PIEZO2: variants seen among roughly 807,000 people sequenced by gnomAD.
PIEZO2 encodes piezo-type mechanosensitive ion channel component 2.
PIEZO2 carries 172 observed loss-of-function variants against 337.3 expected under a neutral mutation model. The observed-to-expected ratio is 0.51, with a 90% CI of 0.45 to 0.58. The LOEUF (loss-of-function observed/expected upper bound fraction) is 0.58. PIEZO2 is among the 20% of genes least tolerant of loss of function. The probability of loss-of-function intolerance (pLI) is 0.00; values close to 1 mark genes in which losing one functional copy is unlikely to be tolerated. For missense variants in PIEZO2, 3,028 were observed against 3,391.3 expected (o/e 0.89, Z 2.66); for synonymous variants, 1,251 against 1,228.5 (o/e 1.02, Z -0.38).
Position 10,833,357 on chromosome 18 carries a change from A to G in PIEZO2, c.917+21996T>C, listed in dbSNP as rs2040909036. Among the ~76,000 whole-genome samples the G allele has an allele frequency of 6.6e-6, 1 of 152,012 alleles. No individual in the cohort carries two copies. The highest frequency in any genetic ancestry group is 2.1e-4 in the South Asian group (1 of 4,820). On this transcript the variant is annotated intron_variant, in intron 7 of 55. Transcript: ENST00000674853. This position sits in a 1 kb window ranked among gnomAD's most constrained non-coding sequence, Gnocchi z 4.7. ...TTCTGGTACTTCGGAGCCCACTGTG[A>G]CACCTGCAGCCTCGCCCTCTCCTGT...
At chr18:11,134,172 G>A (rs1335081779) in intron 1 of PIEZO2, among the ~76,000 whole-genome samples, 4 of 152,174 alleles carry the variant, frequency 2.6e-5, no homozygotes, top group African/African-American at 9.7e-5. Flanking sequence ...GAGGCCACTG[G>A]CCGTCCAGTC....
chr18:10,978,118 C>T (rs1385743397), intron 3 of PIEZO2, among the ~76,000 whole-genome samples: 2 of 152,010 alleles, frequency 1.3e-5, no homozygotes, highest in Non-Finnish European at 2.9e-5. Flanking sequence ...GTCAGGAGAT[C>T]GAGACCATAC....
intron 2 of PIEZO2, among the ~76,000 whole-genome samples, chr18:11,062,353 G>C (rs1287410892): frequency 5.3e-5 from 8 of 152,084 alleles, no homozygotes; most frequent in Non-Finnish European, 1.2e-4. Flanking sequence ...GCATGGGCAA[G>C]GACTTCATGT....
rs1299352076 is a variant in PIEZO2, at chr18:11,116,863, C to T, written c.64+31662G>A. On this transcript the variant is annotated intron_variant, in intron 1 of 55. Transcript: ENST00000674853. The surrounding 1 kb of genome is among the most constrained non-coding windows in gnomAD (Gnocchi z 5.0). The stretch of plus-strand genomic sequence containing the variant: ...GTGGCTCACACCTGTAATCCCAGCA[C>T]TCTGTGAGGCCAAGGCAGGAGGATC... Among the ~76,000 whole-genome samples the T allele has an allele frequency of 6.6e-6, 1 of 152,162 alleles. No homozygotes were observed. Among genetic ancestry groups the T allele is most frequent in the Non-Finnish European group, 1.5e-5 (1 of 68,032 alleles).
intron 3 of PIEZO2, among the ~76,000 whole-genome samples, chr18:10,961,479 G>T (rs2033777964): frequency 6.6e-6 from 1 of 151,830 alleles, no homozygotes; most frequent in Non-Finnish European, 1.5e-5. Context: ...TTGGGTGATG[G>T]GTGAACCAAA....
chr18:11,036,496 G>A (rs1185443764), intron 2 of PIEZO2, among the ~76,000 whole-genome samples: 5 of 151,984 alleles, frequency 3.3e-5, no homozygotes, highest in Non-Finnish European at 7.4e-5. Flanking sequence ...TTATTCGTAT[G>A]CTGTGCTCTG....
At chr18:11,136,635 T>C (rs909033458) in intron 1 of PIEZO2, among the ~76,000 whole-genome samples, 3 of 152,084 alleles carry the variant, frequency 2.0e-5, no homozygotes, top group African/African-American at 7.2e-5. Flanking sequence ...TGGAAACCAG[T>C]GTTTAGTTTG....
chr18:11,017,850 TA>T (rs896780409), intron 2 of PIEZO2, among the ~76,000 whole-genome samples: 1 of 152,184 alleles, frequency 6.6e-6, no homozygotes, highest in African/African-American at 2.4e-5. Flanking sequence ...CTGAGTGGCT[TA>T]AAACAACAGA....
chr18:10,742,432 G>A, intron 32 of PIEZO2, 62 bp downstream of exon 32: 2 of 1,508,616 alleles, frequency 1.3e-6, no homozygotes, highest in Admixed American at 2.0e-5. Context: ...TTACAGCCCT[G>A]CTCAATATCA....
intron 35 of PIEZO2, among the ~76,000 whole-genome samples, chr18:10,733,606 G>A (rs1465164348): frequency 3.3e-5 from 5 of 151,922 alleles, no homozygotes; most frequent in Non-Finnish European, 7.4e-5. Flanking sequence ...CTGCCACCAC[G>A]CCCGGCTAAT....
At chr18:11,065,979 C>T (rs549722004) in intron 2 of PIEZO2, 148 bp downstream of exon 2, 5 of 619,062 alleles carry the variant, frequency 8.1e-6, no homozygotes, top group Non-Finnish European at 1.4e-5. Flanking sequence ...TAGTGTAGTT[C>T]TTAAAATGTT....
chr18:10,787,463 ATT>A (rs1204442546), intron 15 of PIEZO2, among the ~76,000 whole-genome samples: 2 of 152,136 alleles, frequency 1.3e-5, no homozygotes, highest in African/African-American at 4.8e-5. Context: ...TGAAATAGAT[ATT>A]GCTTATGGGT....
chr18:11,090,018 C>T (rs959870053), intron 1 of PIEZO2, among the ~76,000 whole-genome samples: 1 of 152,278 alleles, frequency 6.6e-6, no homozygotes, highest in African/African-American at 2.4e-5. Flanking sequence ...ACAGTATTGA[C>T]CAGCCAGCAG....
chr18:11,074,485 G>T (rs1334323551), intron 1 of PIEZO2, among the ~76,000 whole-genome samples: 1 of 152,146 alleles, frequency 6.6e-6, no homozygotes, highest in African/African-American at 2.4e-5. Flanking sequence ...CCAAACAAAA[G>T]ACCTTTCCAG....
chr18:10,682,319 C>G lies in PIEZO2; in HGVS notation c.7498-27G>C. 2.6e-6 allele frequency: 4 copies of G among 1,511,786 alleles called. No individual in the cohort carries two copies. Among genetic ancestry groups the G allele is most frequent in the Non-Finnish European group, 3.5e-6 (4 of 1,131,858 alleles). The allele number at this position is 1,511,786 out of a possible 1,614,324, so 93.6% of individuals were successfully genotyped here. ...TGCAACAGAGAGTTCAGACAAGGCT[C>G]AGGCTCAGGCTCAGGTGCTTTCCCG... On this transcript the variant is annotated intron_variant, in intron 49 of 55. Transcript: ENST00000674853. The surrounding 1 kb of genome is among the most constrained non-coding windows in gnomAD (Gnocchi z 5.6).
chr18:10,880,324 A>G (rs1479911536), intron 4 of PIEZO2, among the ~76,000 whole-genome samples: 4 of 152,228 alleles, frequency 2.6e-5, no homozygotes, highest in Non-Finnish European at 5.9e-5. Context: ...GTGGATACTC[A>G]TGGGAAGACT....
rs1173361251 is a variant in PIEZO2, at chr18:11,104,369, AAGAC to A, written c.65-38151_65-38148del. ...GCCAGGAGGCTCTTTCTCCTAGACC[AAGAC>A]AGTCTGATTTGTGTCTTTTGGATTT... On this transcript the variant is annotated intron_variant, in intron 1 of 55. Coordinates refer to ENST00000674853, the MANE Select transcript of PIEZO2 (RefSeq NM_001378183.1). This position sits in a 1 kb window ranked among gnomAD's most constrained non-coding sequence, Gnocchi z 4.6. Among the ~76,000 whole-genome samples the A allele has an allele frequency of 6.6e-6, 1 of 152,194 alleles. No individual in the cohort carries two copies. The highest frequency in any genetic ancestry group is 2.4e-5 in the African/African-American group (1 of 41,454).
In PIEZO2 at chr18:10,824,939, C is replaced by T. The variant is rs1000881802; in HGVS notation, c.918-17665G>A. ...AGTGCAGTGGTGTGATCTTGGCTCA[C>T]TGCAACCTCCACTTCCTGGGTCCAA... On this transcript the variant is annotated intron_variant, in intron 7 of 55. Coordinates refer to ENST00000674853, the MANE Select transcript of PIEZO2 (RefSeq NM_001378183.1). The surrounding 1 kb of genome is among the most constrained non-coding windows in gnomAD (Gnocchi z 4.4). 6.6e-6 allele frequency among the ~76,000 whole-genome samples: 1 copy of T among 152,214 alleles called. No individual in the cohort carries two copies. The highest frequency in any genetic ancestry group is 1.5e-5 in the Non-Finnish European group (1 of 68,042).
intron 3 of PIEZO2, among the ~76,000 whole-genome samples, chr18:10,914,384 C>A (rs2030757026): frequency 6.6e-6 from 1 of 151,894 alleles, no homozygotes; most frequent in South Asian, 2.1e-4. Flanking sequence ...ATTCCAGGAC[C>A]CCTGTGGACC....
Sources: allele counts gnomAD v4.1 joint callset (sites outside exome capture counted in the v4.1 genomes callset), GRCh38; gene constraint gnomAD v4.1.1; non-coding constraint Gnocchi (gnomAD v3.1); transcripts MANE v1.5; gene names NCBI Gene and HGNC (gene_info 2026-07-23, HGNC 2026-07-21).